Variants in MDGA2 observed in about 807,000 individuals in gnomAD.
The protein encoded by MDGA2 is MAM domain-containing glycosylphosphatidylinositol anchor protein 2.
In MDGA2, 40 loss-of-function variants were observed where a neutral mutation model predicts 117.8. That is an observed-to-expected ratio of 0.34 (90% CI 0.26 to 0.44). The LOEUF is 0.44. MDGA2 is among the 20% of genes least tolerant of loss of function. The pLI is 1.00. For synonymous variants in MDGA2, 452 were observed against 439.0 expected (o/e 1.03, Z -0.37); for missense variants, 1,123 against 1,250.6 (o/e 0.90, Z 1.54).
At chr14:47,606,331 T>C (rs1896743197) in intron 1 of MDGA2, among the ~76,000 whole-genome samples, 1 of 152,172 alleles carries the variant, frequency 6.6e-6, no homozygotes, top group Admixed American at 6.6e-5. Context: ...TTGGAATCTC[T>C]TGCTTTTCTG....
intron 1 of MDGA2, among the ~76,000 whole-genome samples, chr14:47,448,022 A>T (rs1275819744): frequency 1.3e-5 from 2 of 151,892 alleles, no homozygotes; most frequent in East Asian, 3.9e-4. Context: ...ATTCCTTGGA[A>T]TTTTCTGGGT....
At chr14:46,858,066 G>T (rs139379273) in intron 14 of MDGA2, among the ~76,000 whole-genome samples, 2,963 of 151,278 alleles carry the variant, frequency 0.02, 46 homozygotes, top group Non-Finnish European at 0.031. Context: ...ATATATAAAA[G>T]TACTTATATA....
chr14:46,928,913 A>G (rs939228647), intron 9 of MDGA2, among the ~76,000 whole-genome samples: 1 of 152,132 alleles, frequency 6.6e-6, no homozygotes, highest in African/African-American at 2.4e-5. Context: ...CCTTTCCCAG[A>G]TTTAGACATA....
chr14:46,897,285 T>C (rs931420254), intron 10 of MDGA2, among the ~76,000 whole-genome samples: 3 of 152,138 alleles, frequency 2.0e-5, no homozygotes, highest in Non-Finnish European at 4.4e-5. Context: ...AACCTCATAT[T>C]TGTACTGCAT....
chr14:47,507,521 T>C (rs1168597780), intron 1 of MDGA2, among the ~76,000 whole-genome samples: 1 of 152,198 alleles, frequency 6.6e-6, no homozygotes, highest in Non-Finnish European at 1.5e-5. Flanking sequence ...ATAGCCATGT[T>C]TGATCCTAAC....
chr14:47,414,962 T>G (rs1272139667), intron 1 of MDGA2, among the ~76,000 whole-genome samples: 1 of 152,154 alleles, frequency 6.6e-6, no homozygotes, highest in Non-Finnish European at 1.5e-5. Flanking sequence ...TCAAACAATC[T>G]TAATAGTGAA....
chr14:47,402,085 C>T (rs533944483), intron 1 of MDGA2, among the ~76,000 whole-genome samples: 5 of 152,240 alleles, frequency 3.3e-5, no homozygotes, highest in South Asian at 2.1e-4. Context: ...AAGACTTTCA[C>T]GGTTTGTTTC....
intron 8 of MDGA2, among the ~76,000 whole-genome samples, chr14:46,972,047 G>C (rs79534920): frequency 2.6e-5 from 4 of 152,092 alleles, no homozygotes; most frequent in African/African-American, 7.2e-5. Context: ...CAAACCTGAG[G>C]TGGCAGGGGT....
chr14:47,674,275 C>T (rs941605757), intron 1 of MDGA2, among the ~76,000 whole-genome samples: 1 of 152,212 alleles, frequency 6.6e-6, no homozygotes, highest in Non-Finnish European at 1.5e-5. Context: ...CGCTCGTTCG[C>T]ACGAGTGCGT....
At chr14:47,612,513 G>A (rs1896870491) in intron 1 of MDGA2, among the ~76,000 whole-genome samples, 1 of 152,030 alleles carries the variant, frequency 6.6e-6, no homozygotes, top group Non-Finnish European at 1.5e-5. Flanking sequence ...GATGTCGAAG[G>A]TTAGAACCTC....
chr14:46,886,142 G>T (rs1882667665), intron 10 of MDGA2, among the ~76,000 whole-genome samples: 1 of 152,022 alleles, frequency 6.6e-6, no homozygotes, highest in African/African-American at 2.4e-5. Flanking sequence ...AATGCAAATT[G>T]GTATAAGTTT....
At chr14:47,524,080 T>G (rs915295051) in intron 1 of MDGA2, among the ~76,000 whole-genome samples, 1 of 152,310 alleles carries the variant, frequency 6.6e-6, no homozygotes, top group East Asian at 1.9e-4. Context: ...TAAAGCATCT[T>G]TTCTACTAGA....
At chr14:47,221,005 G>C (rs746070832) in intron 2 of MDGA2, among the ~76,000 whole-genome samples, 7 of 152,156 alleles carry the variant, frequency 4.6e-5, no homozygotes, top group Non-Finnish European at 8.8e-5. Context: ...TGAGGTCTGG[G>C]ATTGTGAGAA....
intron 3 of MDGA2, among the ~76,000 whole-genome samples, chr14:47,208,774 G>T (rs976550262): frequency 6.6e-6 from 1 of 151,816 alleles, no homozygotes; most frequent in East Asian, 1.9e-4. Flanking sequence ...TTTAACCATA[G>T]ATTTACTTCT....
At chr14:47,470,205 C>T (rs189089272) in intron 1 of MDGA2, among the ~76,000 whole-genome samples, 33 of 151,590 alleles carry the variant, frequency 2.2e-4, no homozygotes, top group African/African-American at 6.8e-4. Flanking sequence ...CACGGCGGTT[C>T]GCTGCACCCA....
In MDGA2 at chr14:47,647,360, G is replaced by C. The variant is rs116619037; in HGVS notation, c.280+27157C>G. 3.4e-3 allele frequency among the ~76,000 whole-genome samples: 519 copies of C among 151,966 alleles called. 4 individuals are homozygous for C. The highest frequency in any genetic ancestry group is 0.012 in the African/African-American group (501 of 41,442). Reference sequence around the variant, plus strand: ...ATTTTATTGCACTGTATGAATCTTTGTAATGTCATCCTTGGGATGACTTTT... The same window carrying C: ...ATTTTATTGCACTGTATGAATCTTTCTAATGTCATCCTTGGGATGACTTTT... On this transcript the variant is annotated intron_variant, in intron 1 of 16. Transcript: ENST00000399232.
chr14:47,666,849 A>T (rs535480133), intron 1 of MDGA2, among the ~76,000 whole-genome samples: 5 of 152,306 alleles, frequency 3.3e-5, no homozygotes, highest in African/African-American at 9.6e-5. Context: ...TCCTGAAGCC[A>T]GCAAGACCAC....
In MDGA2 at chr14:46,841,264, T is replaced by C. The variant is rs760257014; in HGVS notation, c.*667A>G. On this transcript the variant is annotated 3_prime_UTR_variant, in exon 17 of 17. Coordinates refer to ENST00000399232, the MANE Select transcript of MDGA2 (RefSeq NM_001113498.3). The stretch of plus-strand genomic sequence containing the variant: ...GTTTACCATCCTGGATAGTAGTGCA[T>C]GCAAAAAGAGACAGCATACAGTTAT... The C allele has an allele frequency of 2.0e-5, 3 of 152,396 alleles. No homozygotes were observed. The highest frequency in any genetic ancestry group is 4.4e-5 in the Non-Finnish European group (3 of 67,994). The allele number at this position is 152,396 out of a possible 1,614,324, so 9.4% of individuals were successfully genotyped here.
intron 2 of MDGA2, among the ~76,000 whole-genome samples, chr14:47,247,383 T>C (rs1407930729): frequency 6.6e-6 from 1 of 150,870 alleles, no homozygotes; most frequent in Non-Finnish European, 1.5e-5. Flanking sequence ...CAGCTCACTG[T>C]AACCTCTGCC....
Sources: gnomAD v4.1 joint callset for allele counts (sites outside exome capture counted in the v4.1 genomes callset) on GRCh38, gnomAD v4.1.1 for gene constraint, MANE v1.5 for transcripts, NCBI Gene and HGNC (gene_info 2026-07-23, HGNC 2026-07-21) for gene names.